The following SRBD1 variants were observed in gnomAD, a reference collection of about 807,000 sequenced individuals.
The protein encoded by SRBD1 is S1 RNA binding domain 1.
In SRBD1, 88 loss-of-function variants were observed where a neutral mutation model predicts 115.3. The observed-to-expected ratio is 0.76, with a 90% CI of 0.64 to 0.91. The LOEUF (loss-of-function observed/expected upper bound fraction) is 0.91. Among genes scored for constraint, SRBD1 ranks in the 40% least tolerant of loss-of-function variants. The pLI is 0.00. For missense variants in SRBD1, 1,385 were observed against 1,177.4 expected (o/e 1.18, Z -2.58); for synonymous variants, 509 against 407.7 (o/e 1.25, Z -2.99).
chr2:45,564,758 T>C (rs1477043675), intron 9 of SRBD1, among the ~76,000 whole-genome samples: 3 of 152,162 alleles, frequency 2.0e-5, no homozygotes, highest in African/African-American at 2.4e-5. Context: ...TACACGTGGA[T>C]TTTTTTCAAC....
chr2:45,444,579 A>G (rs1421380628), intron 16 of SRBD1, among the ~76,000 whole-genome samples: 1 of 152,206 alleles, frequency 6.6e-6, no homozygotes, highest in Non-Finnish European at 1.5e-5. Flanking sequence ...ATTATTTAAA[A>G]ATCAAAATAT....
intron 14 of SRBD1, among the ~76,000 whole-genome samples, chr2:45,534,346 C>T (rs971448203): frequency 6.6e-6 from 1 of 151,878 alleles, no homozygotes; most frequent in Non-Finnish European, 1.5e-5. Flanking sequence ...ATATCACAAA[C>T]ATCCTAGAAA....
intron 14 of SRBD1, 145 bp downstream of exon 14, chr2:45,546,587 C>T: frequency 2.4e-6 from 2 of 831,640 alleles, no homozygotes; most frequent in South Asian, 3.3e-5. Flanking sequence ...TTTACATTAT[C>T]CTGCAAAGTT....
chr2:45,538,018 T>G (rs13430952), intron 14 of SRBD1, among the ~76,000 whole-genome samples: 12,154 of 152,172 alleles, frequency 0.08, 815 homozygotes, highest in African/African-American at 0.18. Flanking sequence ...CAAATGGGCC[T>G]GCAGGAAGAA....
intron 14 of SRBD1, among the ~76,000 whole-genome samples, chr2:45,541,063 C>A (rs1052384833): frequency 1.3e-5 from 2 of 152,220 alleles, no homozygotes; most frequent in Admixed American, 6.5e-5. Flanking sequence ...TGGCCCAGAT[C>A]TCACCCTGCC....
At chr2:45,501,267 T>G (rs1471470142) in intron 14 of SRBD1, among the ~76,000 whole-genome samples, 2 of 152,190 alleles carry the variant, frequency 1.3e-5, no homozygotes, top group African/African-American at 4.8e-5. Context: ...TTAAAAAAAT[T>G]TTTTGATTTT....
Position 45,599,451 on chromosome 2 carries a change from GT to G in SRBD1, c.645del (p.Gln216ArgfsTer46). 6.8e-6 allele frequency: 11 copies of G among 1,612,710 alleles called. No homozygotes were observed. Among genetic ancestry groups the G allele is most frequent in the Non-Finnish European group, 9.3e-6 (11 of 1,179,218 alleles). On this transcript the variant is annotated frameshift_variant, in exon 4 of 21. Transcript: ENST00000263736. LOFTEE classifies it high-confidence loss of function. ...TGACAGAAAAAGGCTGCACATACCT[GT>G]ACCATGTCCCAATTCATTTCCACCT... ...KEEVEMNWDM[V>X]QVLSERTNIE...
chr2:45,548,531 G>A (rs1672191500), intron 12 of SRBD1, among the ~76,000 whole-genome samples: 1 of 151,896 alleles, frequency 6.6e-6, no homozygotes, highest in African/African-American at 2.4e-5. Context: ...GACATTTTTA[G>A]AACAATTATC....
intron 7 of SRBD1, 23 bp from the exon 8 acceptor site, chr2:45,574,746 A>T: frequency 6.4e-7 from 1 of 1,559,366 alleles, no homozygotes. Context: ...GGTAAAAAGG[A>T]AAACAAAAAC....
chr2:45,557,869 T>A (rs1672532446), intron 10 of SRBD1, among the ~76,000 whole-genome samples: 1 of 152,212 alleles, frequency 6.6e-6, no homozygotes, highest in Non-Finnish European at 1.5e-5. Context: ...GAGGACTCAC[T>A]TAAACCAAAT....
In SRBD1 at chr2:45,599,522, C is replaced by T. The variant is rs765635909; in HGVS notation, c.575G>A (p.Gly192Glu). Reference protein sequence around the residue: ...KKIKTETYPQGQPVKFPANAN... With the variant: ...KKIKTETYPQEQPVKFPANAN... ...ATTTGCTGGAAACTTGACAGGCTGC[C>T]CCTGAGGATATGTCTCAGTCTTGAT... Residue 192 changes from glycine (G) to glutamate (E), a missense_variant, in exon 4 of 21, where the codon GGG becomes GAG. Gly to Glu is a moderately conservative substitution (Grantham distance 98). Coordinates refer to ENST00000263736, the MANE Select transcript of SRBD1 (RefSeq NM_018079.5). 1.2e-6 allele frequency: 2 copies of T among 1,614,072 alleles called. No homozygotes were observed. The highest frequency in any genetic ancestry group is 1.3e-5 in the African/African-American group (1 of 74,916).
Position 45,549,458 on chromosome 2 carries a change from AT to A in SRBD1, c.1675+1666del, listed in dbSNP as rs200948044. 9.8e-3 allele frequency among the ~76,000 whole-genome samples: 1,497 copies of A among 152,128 alleles called. 30 individuals are homozygous for A. Among genetic ancestry groups the A allele is most frequent in the African/African-American group, 0.034 (1,419 of 41,524 alleles). ...TAGTCAAATTCTATATAGAATGATT[AT>A]TTTTTTAAGCAAAAAAATTTTTAAA... On this transcript the variant is annotated intron_variant, in intron 12 of 20. Transcript: ENST00000263736.
rs2193835 is a variant in SRBD1, at chr2:45,448,500, T to G, written c.2049+28493A>C. On this transcript the variant is annotated intron_variant, in intron 16 of 20. Coordinates refer to ENST00000263736, the MANE Select transcript of SRBD1 (RefSeq NM_018079.5). Reference sequence around the variant, plus strand: ...GCACAGAGCTGGAAAAATGCAACATTTGCATCTCAGAGGCCTGGGAGGTTA... The same window carrying G: ...GCACAGAGCTGGAAAAATGCAACATGTGCATCTCAGAGGCCTGGGAGGTTA... Among the ~76,000 whole-genome samples, 842 of 152,186 alleles carry G rather than the reference T, an allele frequency of 5.5e-3. 7 individuals are homozygous for G. Among genetic ancestry groups the G allele is most frequent in the African/African-American group, 0.019 (791 of 41,522 alleles).
intron 4 of SRBD1, among the ~76,000 whole-genome samples, chr2:45,588,044 ACT>A (rs1398402231): frequency 1.3e-5 from 2 of 152,182 alleles, no homozygotes; most frequent in African/African-American, 4.8e-5. Context: ...TTACTCTGTC[ACT>A]GTTCTTCATT....
chr2:45,409,946 C>CT (rs1230765209), intron 19 of SRBD1, among the ~76,000 whole-genome samples: 2 of 151,510 alleles, frequency 1.3e-5, no homozygotes, highest in Admixed American at 6.6e-5. Context: ...TTTTTTGTCT[C>CT]TAAAAAAATA....
chr2:45,603,780 G>A (rs1048141955), intron 2 of SRBD1, among the ~76,000 whole-genome samples: 2 of 152,026 alleles, frequency 1.3e-5, no homozygotes, highest in East Asian at 1.9e-4. Context: ...TCAGCCCGAC[G>A]TGGCCTCCCA....
At chr2:45,523,071 A>C (rs981351975) in intron 14 of SRBD1, among the ~76,000 whole-genome samples, 4 of 152,268 alleles carry the variant, frequency 2.6e-5, no homozygotes, top group African/African-American at 9.6e-5. Context: ...ATGTGTATGA[A>C]ACAGAATAAT....
At chr2:45,486,383 G>T (rs745637375) in intron 15 of SRBD1, among the ~76,000 whole-genome samples, 1 of 152,074 alleles carries the variant, frequency 6.6e-6, no homozygotes, top group Non-Finnish European at 1.5e-5. Context: ...CAAATATTAT[G>T]TGCACATTTA....
At chr2:45,408,501 C>T (rs757037991) in intron 19 of SRBD1, among the ~76,000 whole-genome samples, 1 of 152,122 alleles carries the variant, frequency 6.6e-6, no homozygotes, top group Non-Finnish European at 1.5e-5. Flanking sequence ...CCAAAGGAAA[C>T]AGACAGAAAG....
Sources: gnomAD v4.1 joint callset for allele counts (sites outside exome capture counted in the v4.1 genomes callset) on GRCh38, gnomAD v4.1.1 for gene constraint, MANE v1.5 for transcripts, NCBI Gene and HGNC (gene_info 2026-07-23, HGNC 2026-07-21) for gene names.